The following NRCAM variants were observed in gnomAD, a reference collection of about 807,000 sequenced individuals.
NRCAM encodes the protein NgCAM-related cell adhesion molecule.
A neutral mutation model predicts 156.5 loss-of-function variants in NRCAM; 83 were observed. The ratio of observed to expected loss-of-function variants is 0.53; its 90% CI spans 0.44 to 0.64. The LOEUF is 0.64. Ranked by LOEUF, NRCAM falls within the 30% of genes least tolerant of loss-of-function variation. The pLI, the probability that NRCAM is intolerant of heterozygous loss-of-function variation, is 0.00. For synonymous variants in NRCAM, 538 were observed against 563.9 expected, an observed-to-expected ratio of 0.95 and a Z score of 0.65; for missense variants, 1,417 against 1,597.3, an observed-to-expected ratio of 0.89 and a Z score of 1.92.
chr7:108,438,636 G>C (rs1371579922), intron 1 of NRCAM, among the ~76,000 whole-genome samples: 1 of 152,080 alleles, frequency 6.6e-6, no homozygotes, highest in Non-Finnish European at 1.5e-5. Flanking sequence ...CACTGTATTG[G>C]AGCTTCTAGT....
At chr7:108,226,630 C>T (rs1357795791) in intron 8 of NRCAM, among the ~76,000 whole-genome samples, 1 of 151,698 alleles carries the variant, frequency 6.6e-6, no homozygotes, top group Admixed American at 6.6e-5. Flanking sequence ...TAGAGTTATA[C>T]AGTGAAATCT....
At chr7:108,266,073 T>C (rs1292059156) in intron 3 of NRCAM, among the ~76,000 whole-genome samples, 3 of 152,216 alleles carry the variant, frequency 2.0e-5, no homozygotes, top group Non-Finnish European at 4.4e-5. Flanking sequence ...TTTCATAGTA[T>C]TAATGTATTG....
chr7:108,356,568 A>G (rs940286268), intron 2 of NRCAM, among the ~76,000 whole-genome samples: 2 of 152,196 alleles, frequency 1.3e-5, no homozygotes, highest in African/African-American at 4.8e-5. Context: ...GGAGCTATAA[A>G]AAAATTGTTC....
intron 3 of NRCAM, among the ~76,000 whole-genome samples, chr7:108,263,132 G>A (rs764925197): frequency 3.0e-4 from 45 of 152,164 alleles, no homozygotes; most frequent in Non-Finnish European, 6.2e-4. Flanking sequence ...GGCCCCCACA[G>A]GAACCACGTG....
At chr7:108,267,122 C>T (rs1159782318) in intron 3 of NRCAM, among the ~76,000 whole-genome samples, 1 of 152,198 alleles carries the variant, frequency 6.6e-6, no homozygotes, top group Non-Finnish European at 1.5e-5. Flanking sequence ...AGAGAAAACT[C>T]TGAGCTTAGG....
chr7:108,217,280 C>G (rs1013142805), intron 11 of NRCAM, among the ~76,000 whole-genome samples: 2 of 152,224 alleles, frequency 1.3e-5, no homozygotes, highest in African/African-American at 4.8e-5. Context: ...CTGCCTGTTC[C>G]CTCCTCTGGA....
At chr7:108,383,976 T>C (rs150379556) in intron 2 of NRCAM, among the ~76,000 whole-genome samples, 26 of 152,244 alleles carry the variant, frequency 1.7e-4, no homozygotes, top group Non-Finnish European at 3.1e-4. Flanking sequence ...CATGAGGTAT[T>C]TGATTTTCTG....
chr7:108,393,371 C>A (rs13237416), intron 2 of NRCAM, among the ~76,000 whole-genome samples: 29,647 of 152,062 alleles, frequency 0.19, 3,502 homozygotes, highest in South Asian at 0.35. Flanking sequence ...GAGCCAGGTG[C>A]CAGATATAAT....
chr7:108,437,435 TTAGA>T (rs987145363), intron 1 of NRCAM, among the ~76,000 whole-genome samples: 6 of 152,288 alleles, frequency 3.9e-5, no homozygotes, highest in Non-Finnish European at 7.4e-5. Flanking sequence ...AAGAGTATAA[TTAGA>T]TAGTTTGTAA....
intron 2 of NRCAM, among the ~76,000 whole-genome samples, chr7:108,381,470 T>C (rs1303433784): frequency 2.0e-5 from 3 of 152,046 alleles, no homozygotes; most frequent in East Asian, 3.9e-4. Flanking sequence ...CAAGGGCAAA[T>C]AGCGTTTCAA....
At chr7:108,430,470 A>T (rs1408784073) in intron 1 of NRCAM, among the ~76,000 whole-genome samples, 1 of 152,232 alleles carries the variant, frequency 6.6e-6, no homozygotes, top group Non-Finnish European at 1.5e-5. Context: ...GAAGAAAGGA[A>T]GGAGTCAAGC....
Position 108,176,452 on chromosome 7 carries a change from T to A in NRCAM, c.3129A>T (p.Glu1043Asp). The A allele has an allele frequency of 6.2e-7, 1 of 1,613,418 alleles. No homozygotes were observed. Among genetic ancestry groups the A allele is most frequent in the African/African-American group, 1.3e-5 (1 of 75,046 alleles). The change falls in exon 27 of 33, where the codon GAA (glutamate) becomes GAT (aspartate). Residue 1043 changes from glutamate to aspartate, a missense_variant. Physicochemically the swap from Glu to Asp is conservative, Grantham distance 45. Transcript: ENST00000379028. ...SAGSGSQITE[E>D]AVTTVDEAGI... ...TACCTTCATCCACAGTTGTTACTGC[T>A]TCCTCTGTAATTTGACTTCCTGATC...
At chr7:108,314,972 G>C (rs1304796370) in intron 2 of NRCAM, among the ~76,000 whole-genome samples, 3 of 152,010 alleles carry the variant, frequency 2.0e-5, no homozygotes, top group Admixed American at 2.0e-4. Flanking sequence ...GTAAAGGTTA[G>C]ATTACATTAA....
intron 2 of NRCAM, among the ~76,000 whole-genome samples, chr7:108,344,559 C>A (rs1051989393): frequency 6.6e-6 from 1 of 152,104 alleles, no homozygotes; most frequent in Non-Finnish European, 1.5e-5. Context: ...TTCCATAACT[C>A]ATTTTTTGCT....
chr7:108,184,457 C>A lies in NRCAM; in HGVS notation c.2193G>T (p.Leu731Phe). The change falls in exon 21 of 33, where the codon TTG becomes TTT. Residue 731 changes from leucine (L) to phenylalanine (F), a missense_variant. Physicochemically the swap from Leu to Phe is conservative, Grantham distance 22 (BLOSUM62 0). Around this residue, in one of 2 missense-constraint regions of NRCAM, gnomAD observed 1,238 missense variants for 1,336.4 expected, o/e 0.93. Coordinates refer to ENST00000379028, the MANE Select transcript of NRCAM (RefSeq NM_001037132.4). ...VMAVNSIGKS[L>F]PSEASEQYLT... Reference sequence around the variant, plus strand: ...AATACTGCTCAGACGCCTCGCTGGGCAAGCTCTTCCCAATGCTGTTCACTG... The same window carrying A: ...AATACTGCTCAGACGCCTCGCTGGGAAAGCTCTTCCCAATGCTGTTCACTG... 1 of 1,614,194 alleles carries A rather than the reference C, an allele frequency of 6.2e-7. No individual in the cohort carries two copies. Among genetic ancestry groups the A allele is most frequent in the African/African-American group, 1.3e-5 (1 of 75,058 alleles).
chr7:108,197,630 C>T (rs563532649), intron 14 of NRCAM, among the ~76,000 whole-genome samples: 40 of 152,240 alleles, frequency 2.6e-4, no homozygotes, highest in African/African-American at 8.4e-4. Flanking sequence ...TGTCTTACAA[C>T]GAAGAGCAAT....
intron 30 of NRCAM, among the ~76,000 whole-genome samples, chr7:108,161,726 T>A (rs2049125767): frequency 6.6e-6 from 1 of 152,094 alleles, no homozygotes; most frequent in African/African-American, 2.4e-5. Context: ...TTTTTCTCCA[T>A]ACAAAGTTTA....
chr7:108,166,805 G>T, intron 30 of NRCAM, 116 bp downstream of exon 30: 2 of 842,156 alleles, frequency 2.4e-6, no homozygotes, highest in Non-Finnish European at 3.5e-6. Context: ...GGGCCCCATA[G>T]AAAGACATTC....
chr7:108,175,435 AAC>A, intron 27 of NRCAM, 78 bp from the exon 28 acceptor site: 2 of 1,228,196 alleles, frequency 1.6e-6, no homozygotes, highest in Non-Finnish European at 2.3e-6. Context: ...GCGATACAAA[AAC>A]ACTTATTAAA....
Sources: allele counts gnomAD v4.1 joint callset (sites outside exome capture counted in the v4.1 genomes callset), GRCh38; gene constraint gnomAD v4.1.1; regional missense constraint gnomAD v4.1.1; transcripts MANE v1.5; gene names NCBI Gene and HGNC (gene_info 2026-07-23, HGNC 2026-07-21).